DBT: variants seen among roughly 807,000 people sequenced by gnomAD.
DBT encodes the protein dihydrolipoamide branched chain transacylase E2, also known as lipoamide acyltransferase component of branched-chain alpha-keto acid dehydrogenase complex, mitochondrial.
DBT carries 40 observed loss-of-function variants against 51.3 expected under a neutral mutation model. That is an observed-to-expected ratio of 0.78 (90% CI 0.61 to 1.02). The LOEUF is 1.02. Ranked by LOEUF, DBT falls within the 50% of genes least tolerant of loss-of-function variation. The pLI, the probability that DBT is intolerant of heterozygous loss-of-function variation, is 0.00. For synonymous variants in DBT, 181 were observed against 190.4 expected (o/e 0.95, Z 0.41); for missense variants, 510 against 580.2 (o/e 0.88, Z 1.24).
intron 7 of DBT, among the ~76,000 whole-genome samples, chr1:100,212,040 G>A (rs950647747): frequency 6.6e-5 from 10 of 152,128 alleles, no homozygotes; most frequent in African/African-American, 9.7e-5. Flanking sequence ...CTAAAGTGTT[G>A]GGATTACAGT....
At position 100,194,948 on chromosome 1, in the gene DBT, T is replaced by C. The variant is rs974257403; in HGVS notation, c.*1307A>G. ...ATGGATTTCCGAATGCAAATTGAAA[T>C]GTTGGATACATTCATCTCGTTGCTA... On this transcript the variant is annotated 3_prime_UTR_variant, in exon 11 of 11. Coordinates refer to ENST00000370132, the MANE Select transcript of DBT (RefSeq NM_001918.5). 6.6e-6 allele frequency: 1 copy of C among 152,240 alleles called. No homozygotes were observed. Among genetic ancestry groups the C allele is most frequent in the Non-Finnish European group, 1.5e-5 (1 of 68,042 alleles). 9.4% of individuals were successfully genotyped at this position (152,240 alleles called of 1,614,324 possible). A position where few individuals can be genotyped will look rare whatever the true frequency, so the allele number is the denominator to read the frequency against.
chr1:100,248,846 G>A (rs1342340307), intron 1 of DBT, among the ~76,000 whole-genome samples: 1 of 152,104 alleles, frequency 6.6e-6, no homozygotes, highest in South Asian at 2.1e-4. Flanking sequence ...TCCACCATAG[G>A]TGTCCACTCC....
chr1:100,202,171 C>T (rs1557942046), intron 10 of DBT, among the ~76,000 whole-genome samples: 3 of 151,870 alleles, frequency 2.0e-5, no homozygotes, highest in Admixed American at 1.3e-4. Context: ...ATCTCATGTG[C>T]AAAGACACAC....
At chr1:100,241,726 C>A (rs1169396301) in intron 1 of DBT, among the ~76,000 whole-genome samples, 2 of 152,024 alleles carry the variant, frequency 1.3e-5, no homozygotes, top group African/African-American at 4.8e-5. Context: ...GTTAATATTT[C>A]AATGCCATTA....
At chr1:100,210,647 C>G (rs979113841) in intron 8 of DBT, 47 bp downstream of exon 8, 4 of 1,611,090 alleles carry the variant, frequency 2.5e-6, no homozygotes, top group Middle Eastern at 1.7e-4. Context: ...GCACATTTGC[C>G]CCATCTTCTA....
At chr1:100,240,995 T>C (rs1664179915) in intron 1 of DBT, 111 bp from the exon 2 acceptor site, 4 of 1,071,216 alleles carry the variant, frequency 3.7e-6, no homozygotes, top group East Asian at 2.4e-5. Flanking sequence ...ATTGTCACAA[T>C]AGAAATATTA....
At chr1:100,217,234 A>C (rs967115221) in intron 5 of DBT, among the ~76,000 whole-genome samples, 8 of 152,118 alleles carry the variant, frequency 5.3e-5, no homozygotes, top group Non-Finnish European at 1.2e-4. Context: ...CAAATCATAC[A>C]TTTCTTCTAT....
intron 5 of DBT, 149 bp downstream of exon 5, chr1:100,218,477 T>G: frequency 1.2e-6 from 1 of 823,632 alleles, no homozygotes; most frequent in South Asian, 1.6e-5. Flanking sequence ...CCATGTATTT[T>G]TATGCAACTA....
intron 10 of DBT, among the ~76,000 whole-genome samples, chr1:100,203,972 A>T (rs1661606031): frequency 6.6e-6 from 1 of 152,232 alleles, no homozygotes; most frequent in Non-Finnish European, 1.5e-5. Context: ...AGAGCTATTT[A>T]TGATAAACCC....
chr1:100,248,196 C>G (rs896056545), intron 1 of DBT, among the ~76,000 whole-genome samples: 2 of 152,016 alleles, frequency 1.3e-5, no homozygotes, highest in Non-Finnish European at 2.9e-5. Context: ...GGAACCTCCT[C>G]CTCTTCCACC....
intron 1 of DBT, among the ~76,000 whole-genome samples, chr1:100,243,219 A>G (rs1664325536): frequency 1.4e-5 from 2 of 146,324 alleles, no homozygotes; most frequent in South Asian, 4.5e-4. Context: ...CCAAGATCAC[A>G]CCACTGCACT....
Position 100,218,734 on chromosome 1 carries a change from A to T in DBT, c.447T>A (p.Asp149Glu). 6.2e-7 allele frequency: 1 copy of T among 1,613,922 alleles called. No homozygotes were observed. The highest frequency in any genetic ancestry group is 8.5e-7 in the Non-Finnish European group (1 of 1,179,894). ...GAGACACTGCAGGAGTTTCAACAAC[A>T]TCTTCTTCTGAATCTGGTAACAAGG... is the stretch of plus-strand genomic sequence containing the variant. ...ETEALKDSEE[D>E]VVETPAVSHD... Residue 149 changes from aspartate (D) to glutamate (E), a missense_variant, in exon 5 of 11, where the codon GAT becomes GAA. Transcript: ENST00000370132.
At chr1:100,244,844 T>C (rs895383146) in intron 1 of DBT, among the ~76,000 whole-genome samples, 4 of 152,170 alleles carry the variant, frequency 2.6e-5, no homozygotes, top group African/African-American at 4.8e-5. Context: ...CAGTAGATCA[T>C]GGCTAACTGA....
intron 2 of DBT, among the ~76,000 whole-genome samples, chr1:100,237,477 C>A (rs1557959544): frequency 6.6e-6 from 1 of 152,002 alleles, no homozygotes; most frequent in African/African-American, 2.4e-5. Context: ...GATATGGAAT[C>A]CTATTTATAA....
intron 2 of DBT, among the ~76,000 whole-genome samples, chr1:100,239,246 C>T (rs1161968506): frequency 6.6e-6 from 1 of 152,168 alleles, no homozygotes; most frequent in Non-Finnish European, 1.5e-5. Flanking sequence ...CTTAAAGTTA[C>T]ACTGCTAGTA....
intron 8 of DBT, among the ~76,000 whole-genome samples, chr1:100,208,681 TGA>T (rs1255546206): frequency 6.6e-6 from 1 of 151,282 alleles, no homozygotes; most frequent in Non-Finnish European, 1.5e-5. Context: ...GTGGATCACT[TGA>T]GCCCAGGAGT....
Position 100,196,309 on chromosome 1 carries a change from A to G in DBT, c.1395T>C (p.Asn465=). 1 of 1,613,954 alleles carries G rather than the reference A, an allele frequency of 6.2e-7. No homozygotes were observed. The highest frequency in any genetic ancestry group is 8.5e-7 in the Non-Finnish European group (1 of 1,179,986). The stretch of plus-strand genomic sequence containing the variant: ...GGTTTTCTAAATAGGATTTCCACAA[A>G]TTGGAGAAGCGTGACATTGTAGCAC... ...IDGATMSRFS[N]LWKSYLENPA... is the part of the protein sequence containing the mutation. Residue 465 remains asparagine (N), a synonymous_variant, in exon 11 of 11, where the codon AAT becomes AAC. Coordinates refer to ENST00000370132, the MANE Select transcript of DBT (RefSeq NM_001918.5).
rs1231405412 is a variant in DBT, at chr1:100,187,494, A to C, written c.*8761T>G. 6.6e-6 allele frequency: 1 copy of C among 152,184 alleles called. No individual in the cohort carries two copies. The highest frequency in any genetic ancestry group is 2.4e-5 in the African/African-American group (1 of 41,452). The allele number at this position is 152,184 out of a possible 1,614,324, so 9.4% of individuals were successfully genotyped here. A position where few individuals can be genotyped will look rare whatever the true frequency, so the allele number is the denominator to read the frequency against. On this transcript the variant is annotated 3_prime_UTR_variant, in exon 11 of 11. Transcript: ENST00000370132. ...AACTATGTAATACTTTGTTTGTAGG[A>C]TATTAACCCAACTTTCTAATATATT...
rs756606257 is a variant in DBT, at chr1:100,206,516, A to G, written c.1138T>C (p.Leu380=). 10 of 1,613,694 alleles carry G rather than the reference A, an allele frequency of 6.2e-6. No homozygotes were observed. The South Asian group carries it at 9.9e-5, about 16-fold the overall frequency. Residue 380 remains leucine (L), a synonymous_variant, in exon 9 of 11, where the codon TTG becomes CTG. Transcript: ENST00000370132. ...GTGCTGAGCTGACTCACAGAGCCCA[A>G]TTTCTGGAGGCGGTTCAGTTCAGTG... ...IATELNRLQK[L]GSVSQLSTTD...
Sources: allele counts gnomAD v4.1 joint callset (sites outside exome capture counted in the v4.1 genomes callset), GRCh38; gene constraint gnomAD v4.1.1; transcripts MANE v1.5; gene names NCBI Gene and HGNC (gene_info 2026-07-23, HGNC 2026-07-21).